The following CTNNA3 variants were observed in gnomAD, a reference collection of about 807,000 sequenced individuals.
The protein encoded by CTNNA3 is catenin alpha 3.
In CTNNA3, 76 loss-of-function variants were observed where a neutral mutation model predicts 95.7. That is an observed-to-expected ratio of 0.79 (90% CI 0.66 to 0.96). The LOEUF is 0.96. CTNNA3 is among the 40% of genes least tolerant of loss of function. The pLI, the probability that CTNNA3 is intolerant of heterozygous loss-of-function variation, is 0.00. For missense variants in CTNNA3, 1,191 were observed against 1,089.8 expected, an observed-to-expected ratio of 1.09 and a Z score of -1.31; for synonymous variants, 431 against 374.4, an observed-to-expected ratio of 1.15 and a Z score of -1.74.
intron 1 of CTNNA3, among the ~76,000 whole-genome samples, chr10:67,725,420 G>A (rs896361340): frequency 1.3e-5 from 2 of 151,944 alleles, no homozygotes; most frequent in African/African-American, 2.4e-5. Context: ...CTCGTGATTC[G>A]CCCACCTCGG....
intron 1 of CTNNA3, chr10:67,665,735 G>A (rs1372746092): frequency 6.6e-6 from 1 of 152,140 alleles, no homozygotes; most frequent in Admixed American, 6.5e-5. Flanking sequence ...GCAAGAAGGG[G>A]GGATGGGTGC....
At chr10:66,342,147 A>C (rs1403186996) in intron 12 of CTNNA3, among the ~76,000 whole-genome samples, 1 of 151,960 alleles carries the variant, frequency 6.6e-6, no homozygotes, top group Non-Finnish European at 1.5e-5. Flanking sequence ...TTAGAAAATT[A>C]CACTTCTTTT....
intron 10 of CTNNA3, among the ~76,000 whole-genome samples, chr10:66,553,395 T>A (rs12762077): frequency 0.069 from 10,312 of 150,540 alleles, 663 homozygotes; most frequent in East Asian, 0.23. Flanking sequence ...ATCATTGTTA[T>A]TGTTGTACAT....
intron 5 of CTNNA3, among the ~76,000 whole-genome samples, chr10:67,315,456 C>T (rs971534924): frequency 4.6e-5 from 7 of 152,042 alleles, no homozygotes; most frequent in Non-Finnish European, 1.0e-4. Flanking sequence ...TTATATTCAG[C>T]AAAGTTGTCC....
intron 7 of CTNNA3, among the ~76,000 whole-genome samples, chr10:67,001,594 T>C (rs1851696945): frequency 6.6e-6 from 1 of 152,098 alleles, no homozygotes; most frequent in Admixed American, 6.6e-5. Context: ...TATGTAGAAT[T>C]ACCAACAGAT....
At chr10:67,137,317 A>AT (rs1860347852) in intron 7 of CTNNA3, among the ~76,000 whole-genome samples, 1 of 152,010 alleles carries the variant, frequency 6.6e-6, no homozygotes, top group Admixed American at 6.6e-5. Context: ...GTATTAAAAA[A>AT]ATATCAAACA....
At chr10:67,399,580 A>G (rs1213792004) in intron 5 of CTNNA3, among the ~76,000 whole-genome samples, 2 of 152,134 alleles carry the variant, frequency 1.3e-5, no homozygotes, top group African/African-American at 4.8e-5. Flanking sequence ...ACATCTCCCA[A>G]GGTTTTTTCC....
chr10:67,213,982 G>A (rs995500874), intron 6 of CTNNA3, among the ~76,000 whole-genome samples: 6 of 151,732 alleles, frequency 4.0e-5, no homozygotes, highest in Middle Eastern at 3.4e-3. Flanking sequence ...GTTGGATATC[G>A]TTTTATCCTT....
At chr10:65,944,833 G>C (rs1316228529) in intron 17 of CTNNA3, among the ~76,000 whole-genome samples, 2 of 149,844 alleles carry the variant, frequency 1.3e-5, no homozygotes, top group Non-Finnish European at 2.9e-5. Flanking sequence ...AAGAAGTATA[G>C]TAACAAACAA....
Position 66,754,963 on chromosome 10 carries a change from A to G in CTNNA3, c.1281+11301T>C, listed in dbSNP as rs552659246. On this transcript the variant is annotated intron_variant, in intron 9 of 17. Transcript: ENST00000433211. Reference sequence around the variant, plus strand: ...AAACCCAGAAATGCCACTCCTACATATATACCCAAGAGAAATGAAACAGTA... The same window carrying G: ...AAACCCAGAAATGCCACTCCTACATGTATACCCAAGAGAAATGAAACAGTA... Among the ~76,000 whole-genome samples the G allele has an allele frequency of 8.5e-5, 13 of 152,222 alleles. No individual in the cohort carries two copies. In the South Asian group the frequency reaches 2.7e-3, roughly 32 times the overall value.
intron 17 of CTNNA3, among the ~76,000 whole-genome samples, chr10:65,923,945 G>A (rs910513202): frequency 4.6e-5 from 7 of 151,928 alleles, no homozygotes; most frequent in South Asian, 2.1e-4. Context: ...AGATACTCTA[G>A]GCCAGAAACA....
intron 7 of CTNNA3, among the ~76,000 whole-genome samples, chr10:67,068,426 T>C (rs1856226072): frequency 6.6e-6 from 1 of 152,174 alleles, no homozygotes; most frequent in Admixed American, 6.5e-5. Flanking sequence ...GTTAAGTAGT[T>C]GAATACGTAA....
intron 5 of CTNNA3, among the ~76,000 whole-genome samples, chr10:67,327,281 T>C (rs1248062627): frequency 6.6e-6 from 1 of 152,182 alleles, no homozygotes; most frequent in Non-Finnish European, 1.5e-5. Flanking sequence ...ATGTGGTCAT[T>C]TGGAGCAAAG....
At chr10:67,347,070 T>C (rs1016293576) in intron 5 of CTNNA3, among the ~76,000 whole-genome samples, 2 of 151,988 alleles carry the variant, frequency 1.3e-5, no homozygotes, top group Non-Finnish European at 2.9e-5. Flanking sequence ...TAGAATTTTT[T>C]TTTTTTTTTG....
intron 7 of CTNNA3, among the ~76,000 whole-genome samples, chr10:66,954,063 A>G (rs890816356): frequency 1.3e-5 from 2 of 152,234 alleles, no homozygotes; most frequent in African/African-American, 2.4e-5. Flanking sequence ...TATGTACATC[A>G]TAATTCCTAA....
intron 14 of CTNNA3, among the ~76,000 whole-genome samples, chr10:66,075,410 T>C (rs1258401792): frequency 2.6e-5 from 4 of 151,756 alleles, no homozygotes; most frequent in African/African-American, 7.2e-5. Context: ...TAAATGATAA[T>C]AAATTTATAG....
intron 3 of CTNNA3, among the ~76,000 whole-genome samples, chr10:67,549,385 A>G (rs772296678): frequency 1.3e-5 from 2 of 152,220 alleles, no homozygotes; most frequent in African/African-American, 4.8e-5. Flanking sequence ...AGCAGAATGC[A>G]TCTCTCTCGG....
intron 1 of CTNNA3, among the ~76,000 whole-genome samples, chr10:67,712,991 C>A (rs551223761): frequency 2.6e-5 from 4 of 152,012 alleles, no homozygotes; most frequent in South Asian, 2.1e-4. Flanking sequence ...TCAGAGGGAA[C>A]AGGCAACCTA....
chr10:67,045,430 TTTGTTG>T (rs757199869), intron 7 of CTNNA3, among the ~76,000 whole-genome samples: 2 of 152,002 alleles, frequency 1.3e-5, no homozygotes, highest in African/African-American at 2.4e-5. Context: ...GTTGTTGTTG[TTTGTTG>T]TTGTTGTTGT....
Sources: allele counts gnomAD v4.1 joint callset (sites outside exome capture counted in the v4.1 genomes callset), GRCh38; gene constraint gnomAD v4.1.1; transcripts MANE v1.5; gene names NCBI Gene and HGNC (gene_info 2026-07-23, HGNC 2026-07-21).